ZC3H3: variants seen among roughly 807,000 people sequenced by gnomAD.
ZC3H3 encodes the protein zinc finger CCCH-type containing 3, also known as zinc finger CCCH domain-containing protein 3.
In ZC3H3, 36 loss-of-function variants were observed where a neutral mutation model predicts 77.3. The ratio of observed to expected loss-of-function variants is 0.47; its 90% CI spans 0.36 to 0.61. The LOEUF (loss-of-function observed/expected upper bound fraction) is 0.61, where lower values mean the gene tolerates loss of function less well. ZC3H3 is among the 20% of genes least tolerant of loss of function. The pLI, the probability that ZC3H3 is intolerant of heterozygous loss-of-function variation, is 0.00. For synonymous variants in ZC3H3, 626 were observed against 555.2 expected, an observed-to-expected ratio of 1.13 and a Z score of -1.79; for missense variants, 1,331 against 1,312.2, an observed-to-expected ratio of 1.01 and a Z score of -0.22.
intron 4 of ZC3H3, among the ~76,000 whole-genome samples, chr8:143,506,931 C>T (rs575108881): frequency 1.8e-4 from 27 of 152,368 alleles, no homozygotes; most frequent in Middle Eastern, 3.4e-3. Context: ...GCCCTGAGGC[C>T]CTGCCCACCA....
intron 5 of ZC3H3, among the ~76,000 whole-genome samples, chr8:143,471,324 G>C (rs1039698152): frequency 6.6e-6 from 1 of 152,252 alleles, no homozygotes; most frequent in Non-Finnish European, 1.5e-5. Context: ...AGAAGAGGCA[G>C]TGTGGGGCGG....
chr8:143,486,252 G>C (rs952897456), intron 4 of ZC3H3, among the ~76,000 whole-genome samples: 1 of 152,274 alleles, frequency 6.6e-6, no homozygotes, highest in African/African-American at 2.4e-5. Flanking sequence ...AGCGGAGTGA[G>C]AAACGTGGGC....
intron 3 of ZC3H3, among the ~76,000 whole-genome samples, chr8:143,522,421 G>C (rs1350011314): frequency 1.3e-5 from 2 of 152,124 alleles, no homozygotes; most frequent in African/African-American, 4.8e-5. Flanking sequence ...TGGCCAACAT[G>C]GTGAAACCCC....
rs1450124165 is a variant in ZC3H3, at chr8:143,538,298, G to A, written c.1069C>T (p.Pro357Ser). Residue 357 changes from proline to serine, a missense_variant, in exon 2 of 12, where the codon CCA (proline) becomes TCA (serine). Transcript: ENST00000262577. ...GCTGGCTTCCTGGGCTTGGGCTCTGGGTCAGCTATGAGCTGCGGCTTCTCC... is the reference window on the plus strand; with the variant it reads ...GCTGGCTTCCTGGGCTTGGGCTCTGAGTCAGCTATGAGCTGCGGCTTCTCC... The part of the protein sequence containing the change: ...KVEKPQLIAD[P>S]EPKPRKPATS... The A allele has an allele frequency of 1.9e-6, 3 of 1,612,952 alleles. No homozygotes were observed. Among genetic ancestry groups the A allele is most frequent in the South Asian group, 2.2e-5 (2 of 91,086 alleles).
intron 9 of ZC3H3, among the ~76,000 whole-genome samples, chr8:143,455,803 T>C (rs1055609487): frequency 6.6e-6 from 1 of 150,512 alleles, no homozygotes; most frequent in Admixed American, 6.6e-5. Context: ...TGAAACCCCG[T>C]CTCTATTAAA....
chr8:143,439,235 G>A (rs867351510), intron 11 of ZC3H3, among the ~76,000 whole-genome samples: 3 of 152,160 alleles, frequency 2.0e-5, no homozygotes, highest in African/African-American at 2.4e-5. Context: ...ACGGCTCCAC[G>A]CCCCTGACGT....
At chr8:143,528,025 T>G (rs911254878) in intron 3 of ZC3H3, among the ~76,000 whole-genome samples, 11 of 152,344 alleles carry the variant, frequency 7.2e-5, no homozygotes, top group African/African-American at 2.4e-4. Context: ...GACATGGGGC[T>G]GCTCCCCAGT....
At chr8:143,534,885 C>G (rs748521327) in intron 3 of ZC3H3, among the ~76,000 whole-genome samples, 1 of 152,064 alleles carries the variant, frequency 6.6e-6, no homozygotes, top group South Asian at 2.1e-4. Context: ...CCTCCCACCC[C>G]ACTGTGCTGC....
chr8:143,489,014 C>T (rs562987903), intron 4 of ZC3H3, among the ~76,000 whole-genome samples: 3 of 152,352 alleles, frequency 2.0e-5, no homozygotes, highest in South Asian at 4.1e-4. Context: ...GTCATGCCCC[C>T]TCTGTCCCCC....
chr8:143,518,746 A>G (rs544238768), intron 3 of ZC3H3, among the ~76,000 whole-genome samples: 1 of 152,340 alleles, frequency 6.6e-6, no homozygotes, highest in East Asian at 1.9e-4. Flanking sequence ...TCTCAGGGAC[A>G]CTGGCCCGAC....
chr8:143,495,449 A>G (rs1462003157), intron 4 of ZC3H3, among the ~76,000 whole-genome samples: 1 of 152,218 alleles, frequency 6.6e-6, no homozygotes, highest in Non-Finnish European at 1.5e-5. Context: ...ACAGGCAGCT[A>G]ATCCACAGTG....
chr8:143,488,448 C>T (rs750661065), intron 4 of ZC3H3, among the ~76,000 whole-genome samples: 254 of 105,796 alleles, frequency 2.4e-3, no homozygotes, highest in South Asian at 4.9e-3. Flanking sequence ...GAACAGCACC[C>T]GCTCCACGAC....
intron 3 of ZC3H3, among the ~76,000 whole-genome samples, chr8:143,512,505 G>A (rs534278725): frequency 6.6e-6 from 1 of 152,248 alleles, no homozygotes; most frequent in Non-Finnish European, 1.5e-5. Flanking sequence ...CCGGTGCCCT[G>A]AGCACGAGGC....
chr8:143,539,125 G>T lies in ZC3H3; in HGVS notation c.242C>A (p.Pro81Gln). 6.2e-7 allele frequency: 1 copy of T among 1,612,938 alleles called. No homozygotes were observed. ...GTCGGCAGGAGGGTCTGAGGGTCCC[G>T]GGGGCCGATTCACGAGGGAGTATTT... is the stretch of plus-strand genomic sequence containing the variant. ...RKKYSLVNRP[P>Q]GPSDPPADHA... Residue 81 changes from proline (P) to glutamine (Q), a missense_variant, in exon 2 of 12, where the codon CCG becomes CAG. Pro to Gln is a moderately conservative substitution (Grantham distance 76, BLOSUM62 -1). Transcript: ENST00000262577.
intron 4 of ZC3H3, among the ~76,000 whole-genome samples, chr8:143,486,542 C>T (rs1821058048): frequency 6.6e-6 from 1 of 152,222 alleles, no homozygotes; most frequent in Non-Finnish European, 1.5e-5. Context: ...AAGACCCCAT[C>T]CCCAAACGTA....
Position 143,539,093 on chromosome 8 carries a change from C to G in ZC3H3, c.274G>C (p.Val92Leu). 6.2e-7 allele frequency: 1 copy of G among 1,612,952 alleles called. No individual in the cohort carries two copies. Among genetic ancestry groups the G allele is most frequent in the Non-Finnish European group, 8.5e-7 (1 of 1,180,000 alleles). The change falls in exon 2 of 12, where the codon GTG becomes CTG. Residue 92 changes from valine (V) to leucine (L), a missense_variant. By Grantham distance (32) the Val-to-Leu change is conservative. This residue lies in a region of ZC3H3 where 978 missense variants were observed against 915.5 expected (regional missense o/e 1.07). Coordinates refer to ENST00000262577, the MANE Select transcript of ZC3H3 (RefSeq NM_015117.3). ...CCCCGGGCCCCGTGCAACGGCCGCA[C>G]AGCATGGTCGGCAGGAGGGTCTGAG... The part of the protein sequence containing the change: ...GPSDPPADHA[V>L]RPLHGARGGQ...
intron 4 of ZC3H3, among the ~76,000 whole-genome samples, chr8:143,498,286 G>A (rs1821411688): frequency 1.3e-5 from 2 of 152,176 alleles, no homozygotes; most frequent in Non-Finnish European, 2.9e-5. Flanking sequence ...CCCTCTATGT[G>A]AAGCCCTGTC....
intron 3 of ZC3H3, among the ~76,000 whole-genome samples, chr8:143,512,886 G>A (rs372530781): frequency 8.5e-5 from 13 of 152,346 alleles, no homozygotes; most frequent in African/African-American, 2.6e-4. Context: ...GGAGGTACAC[G>A]CAGCGGGCAG....
At position 143,539,455 on chromosome 8, in the gene ZC3H3, GC is replaced by G. The variant is rs1485777595; in HGVS notation, c.47-136del. On this transcript the variant is annotated intron_variant, in intron 1 of 11. Coordinates refer to ENST00000262577, the MANE Select transcript of ZC3H3 (RefSeq NM_015117.3). Reference sequence around the variant, plus strand: ...TGAGCCCCTGCCAGTTTCAGGAGGGGCAGCCCCCAGAGCCTGGGACTCACTG... The same window carrying G: ...TGAGCCCCTGCCAGTTTCAGGAGGGGAGCCCCCAGAGCCTGGGACTCACTG... 6 of 950,622 alleles carry G rather than the reference GC, an allele frequency of 6.3e-6. No individual in the cohort carries two copies. The African/African-American group carries it at 1.0e-4, about 16-fold the overall frequency. 58.9% of individuals were successfully genotyped at this position (950,622 alleles called of 1,614,324 possible). A position where few individuals can be genotyped will look rare whatever the true frequency, so the allele number is the denominator to read the frequency against.
Sources: allele counts gnomAD v4.1 joint callset (sites outside exome capture counted in the v4.1 genomes callset), GRCh38; gene constraint gnomAD v4.1.1; regional missense constraint gnomAD v4.1.1; transcripts MANE v1.5; gene names NCBI Gene and HGNC (gene_info 2026-07-23, HGNC 2026-07-21).